EXT1: variants seen among roughly 807,000 people sequenced by gnomAD.
EXT1 encodes exostosin-1.
Under a neutral mutation model 82.5 loss-of-function variants are expected in EXT1, and 20 were observed. The observed-to-expected ratio is 0.24, with a 90% confidence interval of 0.17 to 0.35. The LOEUF (loss-of-function observed/expected upper bound fraction) is 0.35, where lower values mean the gene tolerates loss of function less well. EXT1 is among the 10% of genes least tolerant of loss of function. The pLI is 1.00. For synonymous variants in EXT1, 348 were observed against 350.8 expected (o/e 0.99, Z 0.09); for missense variants, 757 against 936.5 (o/e 0.81, Z 2.50).
chr8:117,989,778 T>G (rs2129785176), intron 1 of EXT1, among the ~76,000 whole-genome samples: 1 of 152,308 alleles, frequency 6.6e-6, no homozygotes, highest in South Asian at 2.1e-4. Flanking sequence ...GGACAACAGG[T>G]GCCATGCCCT....
chr8:118,009,559 G>A (rs1815851129), intron 1 of EXT1, among the ~76,000 whole-genome samples: 1 of 152,184 alleles, frequency 6.6e-6, no homozygotes, highest in South Asian at 2.1e-4. Flanking sequence ...CCAACCCTTG[G>A]GCAGCAGACC....
At chr8:117,920,400 C>T (rs564769520) in intron 1 of EXT1, among the ~76,000 whole-genome samples, 2 of 152,254 alleles carry the variant, frequency 1.3e-5, no homozygotes, top group East Asian at 3.9e-4. Context: ...CCGCACCTGG[C>T]CCAATTTTTA....
intron 5 of EXT1, among the ~76,000 whole-genome samples, chr8:117,821,340 C>T (rs1811921973): frequency 6.6e-6 from 1 of 152,174 alleles, no homozygotes; most frequent in Admixed American, 6.5e-5. Context: ...GCCTTTTAAA[C>T]AGGAACGACA....
At chr8:117,876,533 T>C (rs567545835) in intron 1 of EXT1, among the ~76,000 whole-genome samples, 1 of 152,236 alleles carries the variant, frequency 6.6e-6, no homozygotes, top group Non-Finnish European at 1.5e-5. Flanking sequence ...TCCTTGTTGA[T>C]AAAATAGAAT....
chr8:117,932,607 C>T (rs1408615346), intron 1 of EXT1, among the ~76,000 whole-genome samples: 1 of 152,134 alleles, frequency 6.6e-6, no homozygotes, highest in Non-Finnish European at 1.5e-5. Flanking sequence ...TCACTTCCCT[C>T]CACCCCTCTT....
At chr8:117,934,455 A>G (rs1402693829) in intron 1 of EXT1, among the ~76,000 whole-genome samples, 5 of 152,156 alleles carry the variant, frequency 3.3e-5, no homozygotes, top group African/African-American at 9.7e-5. Context: ...AGGGCTTCCG[A>G]GCAGACCAGG....
chr8:118,060,172 T>C (rs561578174), intron 1 of EXT1, among the ~76,000 whole-genome samples: 1 of 152,328 alleles, frequency 6.6e-6, no homozygotes, highest in Non-Finnish European at 1.5e-5. Context: ...TGCGTTATGT[T>C]CTTACCCCCC....
Position 117,835,428 on chromosome 8 carries a change from A to G in EXT1, c.1164+16T>C, listed in dbSNP as rs1239332145. The stretch of plus-strand genomic sequence containing the variant: ...ATAATCTGCTGATGTGTTGAAGGCC[A>G]CAGCCCCTTCCTTACCTGTAATAAC... On this transcript the variant is annotated intron_variant, in intron 3 of 10. Coordinates refer to ENST00000378204, the MANE Select transcript of EXT1 (RefSeq NM_000127.3). 2.5e-6 allele frequency: 4 copies of G among 1,592,106 alleles called. No individual in the cohort carries two copies. The highest frequency in any genetic ancestry group is 2.2e-5 in the South Asian group (2 of 90,642).
chr8:118,002,920 T>C (rs1260963608), intron 1 of EXT1, among the ~76,000 whole-genome samples: 1 of 152,148 alleles, frequency 6.6e-6, no homozygotes, highest in African/African-American at 2.4e-5. Context: ...ATGAAAAAGA[T>C]ATTTGCACAC....
chr8:117,948,746 C>T (rs746086368), intron 1 of EXT1, among the ~76,000 whole-genome samples: 3 of 152,182 alleles, frequency 2.0e-5, no homozygotes, highest in Non-Finnish European at 4.4e-5. Flanking sequence ...GGGATCATTC[C>T]ACTTGAAGGA....
At chr8:117,923,435 C>T (rs931052285) in intron 1 of EXT1, among the ~76,000 whole-genome samples, 25 of 151,618 alleles carry the variant, frequency 1.6e-4, no homozygotes, top group South Asian at 1.3e-3. Context: ...CTTAAAGAAG[C>T]GGCTGGGCAC....
rs1823072558 is a variant in EXT1, at chr8:117,795,195, G to C, written c.*4517C>G. On this transcript the variant is annotated 3_prime_UTR_variant, in exon 11 of 11. Coordinates refer to ENST00000378204, the MANE Select transcript of EXT1 (RefSeq NM_000127.3). ...TCTCAAGGTTTGCCTTCTTCTCCTA[G>C]TTGCTGGGCCATGTTAAGTTCCAAT... is the stretch of plus-strand genomic sequence containing the variant. 1 of 152,210 alleles carries C rather than the reference G, an allele frequency of 6.6e-6. No individual in the cohort carries two copies. Among genetic ancestry groups the C allele is most frequent in the Non-Finnish European group, 1.5e-5 (1 of 68,054 alleles). 9.4% of individuals were successfully genotyped at this position (152,210 alleles called of 1,614,324 possible). A position where few individuals can be genotyped will look rare whatever the true frequency, so the allele number is the denominator to read the frequency against.
intron 1 of EXT1, among the ~76,000 whole-genome samples, chr8:118,092,375 G>A (rs1206258749): frequency 1.3e-5 from 2 of 152,132 alleles, no homozygotes; most frequent in African/African-American, 4.8e-5. Context: ...CACCTATCAA[G>A]CAACCTACCA....
At chr8:118,057,391 A>G (rs1020965474) in intron 1 of EXT1, among the ~76,000 whole-genome samples, 2 of 151,676 alleles carry the variant, frequency 1.3e-5, no homozygotes. Flanking sequence ...AATACAAAAA[A>G]TTAGCCGGGT....
chr8:118,084,721 C>G (rs1354702953), intron 1 of EXT1, among the ~76,000 whole-genome samples: 1 of 152,168 alleles, frequency 6.6e-6, no homozygotes, highest in Admixed American at 6.5e-5. Context: ...ATTCCAGAGC[C>G]CAGTTCATGC....
chr8:117,917,523 TA>T (rs1188725592), intron 1 of EXT1, among the ~76,000 whole-genome samples: 1 of 152,158 alleles, frequency 6.6e-6, no homozygotes, highest in Non-Finnish European at 1.5e-5. Flanking sequence ...GCTCCTTTAA[TA>T]TTTTCATTGA....
intron 1 of EXT1, among the ~76,000 whole-genome samples, chr8:118,062,584 T>A (rs561162243): frequency 1.3e-5 from 2 of 152,328 alleles, no homozygotes; most frequent in African/African-American, 4.8e-5. Flanking sequence ...GAAGGAATCA[T>A]ATGTTAACAG....
chr8:117,984,408 GAT>G, intron 1 of EXT1, among the ~76,000 whole-genome samples: 1 of 145,822 alleles, frequency 6.9e-6, no homozygotes, highest in South Asian at 2.2e-4. Flanking sequence ...CAGCCTGGGT[GAT>G]AGAGTGAAAC....
intron 1 of EXT1, among the ~76,000 whole-genome samples, chr8:118,105,666 C>T (rs972024528): frequency 1.6e-4 from 25 of 152,020 alleles, no homozygotes; most frequent in Admixed American, 1.2e-3. Context: ...TTTAACTGTG[C>T]TAATTGGGTT....
Sources: gnomAD v4.1 joint callset for allele counts (sites outside exome capture counted in the v4.1 genomes callset) on GRCh38, gnomAD v4.1.1 for gene constraint, MANE v1.5 for transcripts, NCBI Gene and HGNC (gene_info 2026-07-23, HGNC 2026-07-21) for gene names.